LMO3: variants seen among roughly 807,000 people sequenced by gnomAD.
LMO3 encodes the protein LIM domain only 3, also known as LIM domain only protein 3.
A neutral mutation model predicts 15.8 loss-of-function variants in LMO3; 2 were observed. The observed-to-expected ratio is 0.13, with a 90% CI of 0.05 to 0.40. The LOEUF is 0.40. Ranked by LOEUF, LMO3 falls within the 10% of genes least tolerant of loss-of-function variation. LMO3 has a pLI of 0.99. For missense variants in LMO3, 86 were observed against 182.2 expected (o/e 0.47, Z 3.04); for synonymous variants, 62 against 63.8 (o/e 0.97, Z 0.13).
Position 16,549,561 on chromosome 12 carries a change from T to C in LMO3, c.*1661A>G, listed in dbSNP as rs1941910510. 1.3e-5 allele frequency: 2 copies of C among 152,536 alleles called. No individual in the cohort carries two copies. Among genetic ancestry groups the C allele is most frequent in the Non-Finnish European group, 2.9e-5 (2 of 68,004 alleles). 9.4% of individuals were successfully genotyped at this position (152,536 alleles called of 1,614,324 possible). On this transcript the variant is annotated 3_prime_UTR_variant, in exon 4 of 4. Coordinates refer to ENST00000537304, the MANE Select transcript of LMO3 (RefSeq NM_018640.5). Reference sequence around the variant, plus strand: ...TATAACATTTAATTTTCATCTGTAATGCATATATTGGAAGGACAAAATATA... The same window carrying C: ...TATAACATTTAATTTTCATCTGTAACGCATATATTGGAAGGACAAAATATA...
chr12:16,567,085 A>G (rs1228523905), intron 2 of LMO3, among the ~76,000 whole-genome samples: 1 of 152,140 alleles, frequency 6.6e-6, no homozygotes, highest in Admixed American at 6.6e-5. Flanking sequence ...ATTTCCAGCT[A>G]CTCAGGAGGC....
rs1438345352 is a variant in LMO3, at chr12:16,591,415, C to G, written c.206+9240G>C. Among the ~76,000 whole-genome samples, 1 of 152,026 alleles carries G rather than the reference C, an allele frequency of 6.6e-6. No individual in the cohort carries two copies. The highest frequency in any genetic ancestry group is 2.4e-5 in the African/African-American group (1 of 41,428). On this transcript the variant is annotated intron_variant, in intron 2 of 3. Coordinates refer to ENST00000537304, the MANE Select transcript of LMO3 (RefSeq NM_018640.5). The surrounding 1 kb of genome is among the most constrained non-coding windows in gnomAD (Gnocchi z 4.1). ...ACCAAAATTCTACAAACCTCTTGTA[C>G]TGCTTCATTTTCTCCTCATTGTGTT...
intron 2 of LMO3, among the ~76,000 whole-genome samples, chr12:16,583,253 TG>T (rs1301685935): frequency 2.0e-5 from 3 of 151,702 alleles, no homozygotes; most frequent in African/African-American, 7.3e-5. Flanking sequence ...AGATCACAAG[TG>T]GGTAAGGAGT....
Position 16,549,580 on chromosome 12 carries a change from A to G in LMO3, c.*1642T>C, listed in dbSNP as rs780192959. 1 of 152,608 alleles carries G rather than the reference A, an allele frequency of 6.6e-6. No homozygotes were observed. The highest frequency in any genetic ancestry group is 1.5e-5 in the Non-Finnish European group (1 of 68,010). 9.5% of individuals were successfully genotyped at this position (152,608 alleles called of 1,614,324 possible). Reference sequence around the variant, plus strand: ...CTGTAATGCATATATTGGAAGGACAAAATATATATGCAAATAACACTGGAA... The same window carrying G: ...CTGTAATGCATATATTGGAAGGACAGAATATATATGCAAATAACACTGGAA... On this transcript the variant is annotated 3_prime_UTR_variant, in exon 4 of 4. Coordinates refer to ENST00000537304, the MANE Select transcript of LMO3 (RefSeq NM_018640.5).
At chr12:16,568,815 T>C (rs1404596863) in intron 2 of LMO3, among the ~76,000 whole-genome samples, 1 of 152,178 alleles carries the variant, frequency 6.6e-6, no homozygotes, top group Non-Finnish European at 1.5e-5. Context: ...TTTCTTTACA[T>C]CCCTGGATAT....
intron 2 of LMO3, among the ~76,000 whole-genome samples, chr12:16,562,863 G>A (rs749705972): frequency 1.8e-4 from 27 of 152,212 alleles, no homozygotes; most frequent in Non-Finnish European, 3.7e-4. Flanking sequence ...TGCTACCAGT[G>A]TACTTTCCAC....
rs1942983876 is a variant in LMO3 at position 16,576,008 on chromosome 12, C to T, written c.207-15470G>A. On this transcript the variant is annotated intron_variant, in intron 2 of 3. Transcript: ENST00000537304. This position sits in a 1 kb window ranked among gnomAD's most constrained non-coding sequence, Gnocchi z 4.1. ...TGAATTTGCCTCCTCTTCTCAGACC[C>T]CCAAATCTAGCCCTGCCGCTGTGTT... Among the ~76,000 whole-genome samples, 1 of 152,104 alleles carries T rather than the reference C, an allele frequency of 6.6e-6. No homozygotes were observed. Among genetic ancestry groups the T allele is most frequent in the African/African-American group, 2.4e-5 (1 of 41,418 alleles).
chr12:16,567,760 T>C (rs1942667361), intron 2 of LMO3, among the ~76,000 whole-genome samples: 1 of 152,040 alleles, frequency 6.6e-6, no homozygotes, highest in African/African-American at 2.4e-5. Context: ...GGTAAGTTGG[T>C]ATTTTAAGAG....
chr12:16,601,895 C>T (rs2137710917), intron 1 of LMO3: 1 of 152,252 alleles, frequency 6.6e-6, no homozygotes, highest in East Asian at 1.9e-4. Flanking sequence ...AAACACCCAG[C>T]TTTAGCAAGA....
Position 16,597,118 on chromosome 12 carries a change from A to G in LMO3, c.206+3537T>C, listed in dbSNP as rs141467886. ...CCCACAAATGGGCAAATTCTGTCTC[A>G]TCAGATATGTACATTTTATGTTCCA... On this transcript the variant is annotated intron_variant, in intron 2 of 3. Coordinates refer to ENST00000537304, the MANE Select transcript of LMO3 (RefSeq NM_018640.5). This position sits in a 1 kb window ranked among gnomAD's most constrained non-coding sequence, Gnocchi z 5.0. Among the ~76,000 whole-genome samples the G allele has an allele frequency of 2.0e-5, 3 of 151,848 alleles. No homozygotes were observed. In the East Asian group the frequency reaches 5.8e-4, roughly 29 times the overall value.
At chr12:16,588,845 C>A (rs1378526013) in intron 2 of LMO3, among the ~76,000 whole-genome samples, 1 of 152,046 alleles carries the variant, frequency 6.6e-6, no homozygotes, top group Non-Finnish European at 1.5e-5. Flanking sequence ...TGTTTAATTT[C>A]TCCCTTATCT....
At chr12:16,573,020 T>G (rs923353097) in intron 2 of LMO3, among the ~76,000 whole-genome samples, 1 of 151,972 alleles carries the variant, frequency 6.6e-6, no homozygotes, top group African/African-American at 2.4e-5. Context: ...TCTTAAAATT[T>G]TCCTGTTTTT....
chr12:16,604,871 T>G lies in LMO3; in HGVS notation c.-9+1195A>C. Reference sequence around the variant, plus strand: ...TGATAGACTGTAACCTTACCAAAACTTTTCTCCTTTTTCTGCATGAGTTGA... The same window carrying G: ...TGATAGACTGTAACCTTACCAAAACGTTTCTCCTTTTTCTGCATGAGTTGA... On this transcript the variant is annotated intron_variant, in intron 1 of 3. Coordinates refer to ENST00000537304, the MANE Select transcript of LMO3 (RefSeq NM_018640.5). This position sits in a 1 kb window ranked among gnomAD's most constrained non-coding sequence, Gnocchi z 5.3. 1 of 1,598,398 alleles carries G rather than the reference T, an allele frequency of 6.3e-7. No individual in the cohort carries two copies. Among genetic ancestry groups the G allele is most frequent in the South Asian group, 1.1e-5 (1 of 91,084 alleles).
At chr12:16,575,035 C>T (rs1201890091) in intron 2 of LMO3, among the ~76,000 whole-genome samples, 1 of 152,060 alleles carries the variant, frequency 6.6e-6, no homozygotes, top group Non-Finnish European at 1.5e-5. Context: ...ACAAAACACA[C>T]AAAAGAAAAG....
chr12:16,560,215 T>C lies in LMO3; in HGVS notation c.332+198A>G, dbSNP rs1294682247. Among the ~76,000 whole-genome samples the C allele has an allele frequency of 6.6e-6, 1 of 152,176 alleles. No individual in the cohort carries two copies. The highest frequency in any genetic ancestry group is 1.5e-5 in the Non-Finnish European group (1 of 68,024). On this transcript the variant is annotated intron_variant, in intron 3 of 3. Coordinates refer to ENST00000537304, the MANE Select transcript of LMO3 (RefSeq NM_018640.5). The surrounding 1 kb of genome is among the most constrained non-coding windows in gnomAD (Gnocchi z 5.0). ...CTGTTACTTGCTCTTATATGATGCTTTTCTTTCAGGTAGAAGTAAGTCTTA... is the reference window on the plus strand; with the variant it reads ...CTGTTACTTGCTCTTATATGATGCTCTTCTTTCAGGTAGAAGTAAGTCTTA...
Position 16,589,834 on chromosome 12 carries a change from T to C in LMO3, c.206+10821A>G, listed in dbSNP as rs954839743. Among the ~76,000 whole-genome samples, 2 of 152,006 alleles carry C rather than the reference T, an allele frequency of 1.3e-5. No homozygotes were observed. Among genetic ancestry groups the C allele is most frequent in the East Asian group, 3.9e-4 (2 of 5,178 alleles). ...AAGAACAGAGGGGGACTGTTAGAAA[T>C]TGTAACAGAAAAAAGCCCCCAAGAT... On this transcript the variant is annotated intron_variant, in intron 2 of 3. Coordinates refer to ENST00000537304, the MANE Select transcript of LMO3 (RefSeq NM_018640.5). The surrounding 1 kb of genome is among the most constrained non-coding windows in gnomAD (Gnocchi z 4.2).
At chr12:16,600,626 C>T (rs746849627) in intron 2 of LMO3, 29 bp downstream of exon 2, 3 of 1,580,800 alleles carry the variant, frequency 1.9e-6, no homozygotes, top group Non-Finnish European at 2.6e-6. Context: ...GGCATCCAGT[C>T]ATCACTGGTG....
intron 2 of LMO3, among the ~76,000 whole-genome samples, chr12:16,572,538 C>T (rs966878826): frequency 2.0e-5 from 3 of 150,016 alleles, no homozygotes; most frequent in Admixed American, 6.6e-5. Context: ...AGAATTTTAA[C>T]TGTTTCTCAA....
rs1003009801 is a variant in LMO3, at chr12:16,555,787, A to G, written c.333-4460T>C. 3.9e-5 allele frequency among the ~76,000 whole-genome samples: 6 copies of G among 152,044 alleles called. No homozygotes were observed. The highest frequency in any genetic ancestry group is 1.2e-4 in the African/African-American group (5 of 41,398). ...TCTGCATGCCTTTGCACGTTGCTCA[A>G]TTTGCCTGAAAATTCCTTTCCTCAC... is the stretch of plus-strand genomic sequence containing the variant. On this transcript the variant is annotated intron_variant, in intron 3 of 3. Transcript: ENST00000537304. The surrounding 1 kb of genome is among the most constrained non-coding windows in gnomAD (Gnocchi z 5.5).
Sources: allele counts gnomAD v4.1 joint callset (sites outside exome capture counted in the v4.1 genomes callset), GRCh38; gene constraint gnomAD v4.1.1; non-coding constraint Gnocchi (gnomAD v3.1); transcripts MANE v1.5; gene names NCBI Gene and HGNC (gene_info 2026-07-23, HGNC 2026-07-21).